Variants in CDH4 observed in about 807,000 individuals in gnomAD.
CDH4 encodes the protein cadherin 4.
Under a neutral mutation model 86.0 loss-of-function variants are expected in CDH4, and 33 were observed. That is an observed-to-expected ratio of 0.38 (90% CI 0.29 to 0.51). CDH4 has a LOEUF of 0.51. CDH4 is among the 20% of genes least tolerant of loss of function. CDH4 has a pLI of 0.86. For synonymous variants in CDH4, 555 were observed against 549.4 expected (o/e 1.01, Z -0.14); for missense variants, 1,114 against 1,307.4 (o/e 0.85, Z 2.28).
intron 2 of CDH4, among the ~76,000 whole-genome samples, chr20:61,572,804 T>C (rs2185916): frequency 0.059 from 8,934 of 152,130 alleles, 539 homozygotes; most frequent in African/African-American, 0.15. Context: ...CTTATACAGA[T>C]GATTCCTCTT....
intron 2 of CDH4, chr20:61,570,467 T>C: frequency 1.8e-6 from 1 of 565,456 alleles, no homozygotes; most frequent in Non-Finnish European, 3.2e-6. Context: ...AATTGCTTCT[T>C]CCCAGAGGCT....
Position 61,661,089 on chromosome 20 carries a change from G to T in CDH4, c.170-82474G>T, listed in dbSNP as rs534803629. On this transcript the variant is annotated intron_variant, in intron 2 of 15. Transcript: ENST00000614565. ...GGCATGGACAGGAGGCATGGCGGGG[G>T]GGGGGGAGACACAGTGCCAGGCTCA... Among the ~76,000 whole-genome samples, 11 of 140,332 alleles carry T rather than the reference G, an allele frequency of 7.8e-5. 1 individual carries two copies. The highest frequency in any genetic ancestry group is 3.9e-4 in the East Asian group (2 of 5,098). The allele number at this position is 140,332 out of a possible 152,430, so 92.1% of individuals were successfully genotyped here. A position where few individuals can be genotyped will look rare whatever the true frequency, so the allele number is the denominator to read the frequency against.
intron 2 of CDH4, among the ~76,000 whole-genome samples, chr20:61,731,214 G>A (rs544642221): frequency 4.8e-4 from 73 of 152,174 alleles, no homozygotes; most frequent in Non-Finnish European, 7.6e-4. Context: ...CAGTCGTGCC[G>A]CTTGTGGTGT....
chr20:61,419,335 G>A (rs1203089387), intron 2 of CDH4, among the ~76,000 whole-genome samples: 2 of 152,198 alleles, frequency 1.3e-5, no homozygotes, highest in African/African-American at 4.8e-5. Flanking sequence ...CATCACGGCT[G>A]TTTCTGGGGA....
intron 2 of CDH4, among the ~76,000 whole-genome samples, chr20:61,704,232 G>A (rs546116565): frequency 2.6e-5 from 4 of 152,136 alleles, no homozygotes; most frequent in African/African-American, 7.2e-5. Context: ...AAGGTGCTGC[G>A]AGGAAGGCAT....
chr20:61,612,149 C>T lies in CDH4; in HGVS notation c.170-131414C>T, dbSNP rs566889590. ...CAAGTACTTGCAATAATTTAATATA[C>T]TCGTATAATTTGTAAAGATGAAATC... On this transcript the variant is annotated intron_variant, in intron 2 of 15. Coordinates refer to ENST00000614565, the MANE Select transcript of CDH4 (RefSeq NM_001794.5). Among the ~76,000 whole-genome samples the T allele has an allele frequency of 1.9e-3, 294 of 152,120 alleles. 7 individuals are homozygous for T. The highest frequency in any genetic ancestry group is 6.7e-3 in the African/African-American group (279 of 41,414).
rs984448269 is a variant in CDH4, at chr20:61,866,094, G to A, written c.878-7634G>A. On this transcript the variant is annotated intron_variant, in intron 6 of 15. Coordinates refer to ENST00000614565, the MANE Select transcript of CDH4 (RefSeq NM_001794.5). ...TTTCCTACCTGGAGGACCCTCAGTT[G>A]TTCTGTAGTGGCCACACCACCCCCT... 5.3e-5 allele frequency among the ~76,000 whole-genome samples: 8 copies of A among 152,250 alleles called. No homozygotes were observed. The East Asian group carries it at 1.2e-3, about 22-fold the overall frequency.
At chr20:61,481,590 A>T (rs949067418) in intron 2 of CDH4, among the ~76,000 whole-genome samples, 1 of 152,210 alleles carries the variant, frequency 6.6e-6, no homozygotes, top group Admixed American at 6.5e-5. Context: ...TACAGTAAAC[A>T]TTTCTTTAGA....
At chr20:61,723,312 C>T (rs1401453956) in intron 2 of CDH4, among the ~76,000 whole-genome samples, 3 of 152,226 alleles carry the variant, frequency 2.0e-5, no homozygotes, top group African/African-American at 7.2e-5. Flanking sequence ...CCTCCGGACC[C>T]CCGTCCTGGC....
At chr20:61,391,728 T>G (rs909695440) in intron 2 of CDH4, among the ~76,000 whole-genome samples, 1 of 152,182 alleles carries the variant, frequency 6.6e-6, no homozygotes, top group African/African-American at 2.4e-5. Flanking sequence ...GGAGAACCAG[T>G]GCTTCTGCTT....
intron 2 of CDH4, among the ~76,000 whole-genome samples, chr20:61,532,634 G>T (rs1362525575): frequency 1.3e-5 from 2 of 152,198 alleles, no homozygotes; most frequent in Non-Finnish European, 2.9e-5. Context: ...CCAGAAATCA[G>T]TTAAAAGCAA....
intron 2 of CDH4, among the ~76,000 whole-genome samples, chr20:61,447,323 ATT>A (rs71331923): frequency 0.088 from 9,815 of 110,918 alleles, 934 homozygotes; most frequent in African/African-American, 0.31. Flanking sequence ...CGCCCAGCTG[ATT>A]TTTTTTTTTT....
At chr20:61,605,491 C>T (rs1450069348) in intron 2 of CDH4, among the ~76,000 whole-genome samples, 2 of 151,804 alleles carry the variant, frequency 1.3e-5, no homozygotes, top group Non-Finnish European at 2.9e-5. Context: ...CCCTGTCTCT[C>T]TCCCCCCATG....
In CDH4 at chr20:61,709,777, G is replaced by A. The variant is rs1238008875; in HGVS notation, c.170-33786G>A. Among the ~76,000 whole-genome samples the A allele has an allele frequency of 3.9e-5, 6 of 152,108 alleles. No homozygotes were observed. Among genetic ancestry groups the A allele is most frequent in the African/African-American group, 1.2e-4 (5 of 41,402 alleles). ...GAAGCCCAAAATAGCAGGATGGAGC[G>A]GGAGGTAGAGGTTCTTTCTTCTTGT... On this transcript the variant is annotated intron_variant, in intron 2 of 15. Transcript: ENST00000614565. This position sits in a 1 kb window ranked among gnomAD's most constrained non-coding sequence, Gnocchi z 4.8.
chr20:61,319,341 C>G (rs2084495338), intron 2 of CDH4, among the ~76,000 whole-genome samples: 1 of 152,026 alleles, frequency 6.6e-6, no homozygotes, highest in African/African-American at 2.4e-5. Context: ...GAGAATTCAT[C>G]GATTAAAAAT....
At chr20:61,731,443 G>A (rs117645363) in intron 2 of CDH4, among the ~76,000 whole-genome samples, 8,323 of 152,218 alleles carry the variant, frequency 0.055, 285 homozygotes, top group Middle Eastern at 0.15. Flanking sequence ...TGATCTCTTT[G>A]GAAAGTGCAC....
intron 2 of CDH4, among the ~76,000 whole-genome samples, chr20:61,650,781 T>A (rs896919033): frequency 6.6e-6 from 1 of 152,256 alleles, no homozygotes; most frequent in Non-Finnish European, 1.5e-5. Flanking sequence ...ATAAGTAGTA[T>A]TTTGCTAGTT....
intron 2 of CDH4, among the ~76,000 whole-genome samples, chr20:61,545,341 C>T (rs1165322182): frequency 6.6e-6 from 1 of 152,246 alleles, no homozygotes; most frequent in Non-Finnish European, 1.5e-5. Flanking sequence ...ATTAACATTT[C>T]ACAATTCTGC....
chr20:61,578,430 A>G (rs1271155036), intron 2 of CDH4, among the ~76,000 whole-genome samples: 2 of 152,230 alleles, frequency 1.3e-5, no homozygotes, highest in African/African-American at 4.8e-5. Context: ...TTAGTGCAAA[A>G]TAACTGGGGA....
Sources: gnomAD v4.1 joint callset for allele counts (sites outside exome capture counted in the v4.1 genomes callset) on GRCh38, gnomAD v4.1.1 for gene constraint, Gnocchi (gnomAD v3.1) non-coding constraint, MANE v1.5 for transcripts, NCBI Gene and HGNC (gene_info 2026-07-23, HGNC 2026-07-21) for gene names.